NUDT3: variants seen among roughly 807,000 people sequenced by gnomAD.
NUDT3 encodes nudix hydrolase 3.
In NUDT3, 9 loss-of-function variants were observed where a neutral mutation model predicts 23.6. That is an observed-to-expected ratio of 0.38 (90% confidence interval 0.23 to 0.66). The LOEUF (loss-of-function observed/expected upper bound fraction) is 0.66. NUDT3 is among the 30% of genes least tolerant of loss of function. The pLI is 0.52. For missense variants in NUDT3, 172 were observed against 218.5 expected (o/e 0.79, Z 1.34); for synonymous variants, 86 against 82.6 (o/e 1.04, Z -0.22).
At chr6:34,348,278 C>A (rs932074419) in intron 1 of NUDT3, among the ~76,000 whole-genome samples, 2 of 151,566 alleles carry the variant, frequency 1.3e-5, no homozygotes, top group African/African-American at 2.4e-5. Context: ...GGGAATGAAA[C>A]CCTGTCTCAA....
chr6:34,304,657 CT>C (rs550653985), intron 2 of NUDT3, among the ~76,000 whole-genome samples: 103 of 141,842 alleles, frequency 7.3e-4, no homozygotes, highest in Admixed American at 6.4e-4. Context: ...TTTCTTTTTC[CT>C]TTTTTTTTTT....
rs1433176930 is a variant in NUDT3 at position 34,392,279 on chromosome 6, G to C, written c.84C>G (p.Ser28Arg). ...KKRAACLCFR[S>R]ESEEEVLLVS... is the part of the protein sequence containing the mutation. ...GCCGCCTCACCTCCTCCTCGCTCTC[G>C]CTGCGGAAACACAGGCATGCGGCCC... The change falls in exon 1 of 5, where the codon AGC becomes AGG. Residue 28 changes from serine (S) to arginine (R), a missense_variant. Ser to Arg is a moderately radical substitution (Grantham distance 110). Transcript: ENST00000607016. 2.7e-5 allele frequency: 44 copies of C among 1,601,192 alleles called. No individual in the cohort carries two copies. Among genetic ancestry groups the C allele is most frequent in the Non-Finnish European group, 3.7e-5 (43 of 1,176,584 alleles).
At chr6:34,391,312 C>T (rs1380830913) in intron 1 of NUDT3, among the ~76,000 whole-genome samples, 1 of 152,188 alleles carries the variant, frequency 6.6e-6, no homozygotes, top group African/African-American at 2.4e-5. Context: ...GTTTAACTGC[C>T]ATTTTACCAC....
At chr6:34,301,381 T>C (rs1341953791) in intron 2 of NUDT3, among the ~76,000 whole-genome samples, 1 of 152,242 alleles carries the variant, frequency 6.6e-6, no homozygotes, top group Admixed American at 6.5e-5. Context: ...TAGAATCTAC[T>C]TACCCATCCC....
At chr6:34,314,741 G>A (rs944617297) in intron 2 of NUDT3, among the ~76,000 whole-genome samples, 1 of 151,990 alleles carries the variant, frequency 6.6e-6, no homozygotes, top group Non-Finnish European at 1.5e-5. Flanking sequence ...CACTCCTGAG[G>A]GTTCAGGTCA....
rs546637169 is a variant in NUDT3 at position 34,302,154 on chromosome 6, C to T, written c.211-6469G>A. Among the ~76,000 whole-genome samples, 4 of 151,844 alleles carry T rather than the reference C, an allele frequency of 2.6e-5. No individual in the cohort carries two copies. In the East Asian group the frequency reaches 7.8e-4, roughly 29 times the overall value. ...TCAAGCGATCCTCCTGCCTCAGCCT[C>T]CTGAGTAGCTGGGACTACAGGCACG... On this transcript the variant is annotated intron_variant, in intron 2 of 4. Transcript: ENST00000607016.
At position 34,304,657 on chromosome 6, in the gene NUDT3, C is replaced by CT. The variant is rs550653985; in HGVS notation, c.211-8973dup. On this transcript the variant is annotated intron_variant, in intron 2 of 4. Transcript: ENST00000607016. Reference sequence around the variant, plus strand: ...GTAGGTTTTCAAATTTTTCTTTTTCCTTTTTTTTTTTGTTTTTTTGGAGAA... The same window carrying CT: ...GTAGGTTTTCAAATTTTTCTTTTTCCTTTTTTTTTTTTGTTTTTTTGGAGAA... 4.3e-3 allele frequency among the ~76,000 whole-genome samples: 608 copies of CT among 142,064 alleles called. 6 individuals are homozygous for CT. The highest frequency in any genetic ancestry group is 0.015 in the East Asian group (72 of 4,920). 93.2% of individuals were successfully genotyped at this position (142,064 alleles called of 152,430 possible).
intron 2 of NUDT3, among the ~76,000 whole-genome samples, chr6:34,328,153 G>C (rs925924822): frequency 6.6e-6 from 1 of 152,000 alleles, no homozygotes; most frequent in Admixed American, 6.6e-5. Flanking sequence ...TCGGCACCTG[G>C]GTAATCTTCC....
chr6:34,330,010 C>G (rs1447201992), intron 2 of NUDT3, among the ~76,000 whole-genome samples: 3 of 152,228 alleles, frequency 2.0e-5, no homozygotes, highest in Non-Finnish European at 4.4e-5. Context: ...TAGTATTCCA[C>G]AGTGCCTATG....
At chr6:34,303,179 G>C (rs560356972) in intron 2 of NUDT3, among the ~76,000 whole-genome samples, 1 of 146,936 alleles carries the variant, frequency 6.8e-6, no homozygotes, top group Non-Finnish European at 1.5e-5. Context: ...TCACAGATGC[G>C]TGTCACCATA....
At chr6:34,342,289 C>CAAAAAAAAAAAAAAAAAAA (rs200954440) in intron 1 of NUDT3, among the ~76,000 whole-genome samples, 6 of 66,494 alleles carry the variant, frequency 9.0e-5, no homozygotes, top group African/African-American at 2.7e-4. Context: ...TAGAAGACTT[C>CAAAAAAAAAAAAAAAAAAA]AAAAAAAAAA....
intron 1 of NUDT3, among the ~76,000 whole-genome samples, chr6:34,381,214 C>T (rs1765012302): frequency 6.6e-6 from 1 of 151,978 alleles, no homozygotes; most frequent in African/African-American, 2.4e-5. Context: ...GACGAGGTCC[C>T]ACTACATTGC....
Position 34,293,643 on chromosome 6 carries a change from T to C in NUDT3, c.256-108A>G, listed in dbSNP as rs1763456825. 6.9e-6 allele frequency: 9 copies of C among 1,299,008 alleles called. No individual in the cohort carries two copies. In the South Asian group the frequency reaches 1.2e-4, roughly 18 times the overall value. The allele number at this position is 1,299,008 out of a possible 1,614,324, so 80.5% of individuals were successfully genotyped here. On this transcript the variant is annotated intron_variant, in intron 3 of 4. Coordinates refer to ENST00000607016, the MANE Select transcript of NUDT3 (RefSeq NM_006703.4). ...TGTCCAGAGAGCTCAGACACAAAGA[T>C]TCTAAACTTTTACTTTTTATGGTCC...
chr6:34,353,794 C>A (rs1015619878), intron 1 of NUDT3, among the ~76,000 whole-genome samples: 1 of 151,956 alleles, frequency 6.6e-6, no homozygotes, highest in Non-Finnish European at 1.5e-5. Flanking sequence ...CTTGACCTCC[C>A]GGGTTCAGGC....
intron 2 of NUDT3, among the ~76,000 whole-genome samples, chr6:34,321,042 G>A (rs1561906113): frequency 1.3e-5 from 2 of 152,068 alleles, no homozygotes; most frequent in Non-Finnish European, 2.9e-5. Context: ...GGGACAGGAG[G>A]GAACCGCATG....
At position 34,385,927 on chromosome 6, in the gene NUDT3, G is replaced by A. The variant is rs140114416; in HGVS notation, c.99+6337C>T. ...TCAAATTCCTGGGCTCATGTGATCCGCCCACCTTGGTCTCCCAAAGTGCTG... is the reference window on the plus strand; with the variant it reads ...TCAAATTCCTGGGCTCATGTGATCCACCCACCTTGGTCTCCCAAAGTGCTG... On this transcript the variant is annotated intron_variant, in intron 1 of 4. Coordinates refer to ENST00000607016, the MANE Select transcript of NUDT3 (RefSeq NM_006703.4). Among the ~76,000 whole-genome samples the A allele has an allele frequency of 1.2e-3, 184 of 152,178 alleles. 1 individual carries two copies. In the East Asian group the frequency reaches 0.013, roughly 11 times the overall value.
chr6:34,314,813 T>C (rs1446849616), intron 2 of NUDT3, among the ~76,000 whole-genome samples: 1 of 152,124 alleles, frequency 6.6e-6, no homozygotes, highest in Non-Finnish European at 1.5e-5. Flanking sequence ...ATACCTAGCA[T>C]TTGAGTTCTT....
intron 1 of NUDT3, among the ~76,000 whole-genome samples, chr6:34,360,976 A>T (rs1295091297): frequency 6.6e-6 from 1 of 152,074 alleles, no homozygotes; most frequent in Non-Finnish European, 1.5e-5. Flanking sequence ...TAATCCTAGC[A>T]CTTTGAAAGG....
At chr6:34,389,377 G>A (rs1765159030) in intron 1 of NUDT3, among the ~76,000 whole-genome samples, 1 of 152,184 alleles carries the variant, frequency 6.6e-6, no homozygotes, top group Admixed American at 6.5e-5. Context: ...TAAGTTTCCT[G>A]AGGCTTCCCC....
Sources: gnomAD v4.1 joint callset for allele counts (sites outside exome capture counted in the v4.1 genomes callset) on GRCh38, gnomAD v4.1.1 for gene constraint, MANE v1.5 for transcripts, NCBI Gene and HGNC (gene_info 2026-07-23, HGNC 2026-07-21) for gene names.